FSTL4: variants seen among roughly 807,000 people sequenced by gnomAD.
FSTL4 encodes follistatin-related protein 4.
FSTL4 carries 28 observed loss-of-function variants against 78.2 expected under a neutral mutation model. That is an observed-to-expected ratio of 0.36 (90% CI 0.27 to 0.49). FSTL4 has a LOEUF of 0.49. FSTL4 is among the 20% of genes least tolerant of loss of function. The pLI, the probability that FSTL4 is intolerant of heterozygous loss-of-function variation, is 0.98. For missense variants in FSTL4, 922 were observed against 1,084.9 expected (o/e 0.85, Z 2.11); for synonymous variants, 422 against 440.5 (o/e 0.96, Z 0.53).
chr5:133,598,426 C>G (rs531169861), intron 2 of FSTL4, among the ~76,000 whole-genome samples: 105 of 131,006 alleles, frequency 8.0e-4, no homozygotes, highest in Middle Eastern at 3.7e-3. Flanking sequence ...CAGCACACCC[C>G]ATTCTGCAAT....
chr5:133,540,357 C>G (rs1252438376), intron 3 of FSTL4, among the ~76,000 whole-genome samples: 2 of 152,102 alleles, frequency 1.3e-5, no homozygotes, highest in African/African-American at 2.4e-5. Context: ...ACTCACAAAT[C>G]TCTTCAAGAT....
intron 6 of FSTL4, among the ~76,000 whole-genome samples, chr5:133,269,184 CAAAAA>C (rs869156118): frequency 6.8e-5 from 4 of 58,998 alleles, no homozygotes; most frequent in Non-Finnish European, 1.3e-4. Flanking sequence ...GACTCCATCT[CAAAAA>C]AAAAAAAAAA....
At chr5:133,366,090 A>G (rs548452363) in intron 4 of FSTL4, among the ~76,000 whole-genome samples, 5 of 151,588 alleles carry the variant, frequency 3.3e-5, no homozygotes, top group African/African-American at 1.2e-4. Context: ...ATCTCCTACC[A>G]CCCTCTCACT....
chr5:133,668,582 TGAGTGG>T, the FSTL4 span, among the ~76,000 whole-genome samples: 12 of 152,346 alleles, frequency 7.9e-5, no homozygotes, highest in African/African-American at 2.6e-4. Flanking sequence ...GCTGCAGGCC[TGAGTGG>T]CCAGCCTTGT....
the FSTL4 span, among the ~76,000 whole-genome samples, chr5:133,656,036 A>T: frequency 6.6e-6 from 1 of 152,168 alleles, no homozygotes; most frequent in Non-Finnish European, 1.5e-5. Context: ...TTCTCTTAAG[A>T]CATGATGTTT....
chr5:133,648,196 A>C, the FSTL4 span, among the ~76,000 whole-genome samples: 1 of 152,214 alleles, frequency 6.6e-6, no homozygotes, highest in Admixed American at 6.5e-5. Flanking sequence ...ATAAAGTACA[A>C]ACCAGTGAGT....
At chr5:133,254,609 C>T (rs561175331) in intron 6 of FSTL4, among the ~76,000 whole-genome samples, 3 of 152,298 alleles carry the variant, frequency 2.0e-5, no homozygotes, top group South Asian at 2.1e-4. Flanking sequence ...ACAACTGCAT[C>T]GGGAAGCCTG....
At chr5:133,360,860 A>G (rs1755053477) in intron 4 of FSTL4, among the ~76,000 whole-genome samples, 1 of 152,176 alleles carries the variant, frequency 6.6e-6, no homozygotes, top group East Asian at 1.9e-4. Context: ...ATGTTTCCCA[A>G]TTATCACCGT....
chr5:133,262,414 T>A (rs1752553630), intron 6 of FSTL4, among the ~76,000 whole-genome samples: 1 of 152,154 alleles, frequency 6.6e-6, no homozygotes, highest in Non-Finnish European at 1.5e-5. Flanking sequence ...TGTAATAGAG[T>A]GAAATGTTAA....
intron 4 of FSTL4, among the ~76,000 whole-genome samples, chr5:133,373,497 G>A (rs1303403124): frequency 6.6e-6 from 1 of 152,340 alleles, no homozygotes; most frequent in African/African-American, 2.4e-5. Flanking sequence ...GAGATCCACT[G>A]GATGCACATA....
the FSTL4 span, among the ~76,000 whole-genome samples, chr5:133,663,528 ACACGTGCCTCTT>A: frequency 6.6e-6 from 1 of 152,234 alleles, no homozygotes; most frequent in Non-Finnish European, 1.5e-5. Flanking sequence ...AGAAGTGCTA[ACACGTGCCTCTT>A]CACGTGCCTC....
intron 6 of FSTL4, among the ~76,000 whole-genome samples, chr5:133,270,465 T>C (rs570131797): frequency 1.3e-5 from 2 of 152,310 alleles, no homozygotes; most frequent in African/African-American, 4.8e-5. Context: ...CAGAATGTAT[T>C]AGCGCTCCGT....
At chr5:133,709,873 T>C in the FSTL4 span, among the ~76,000 whole-genome samples, 1 of 152,360 alleles carries the variant, frequency 6.6e-6, no homozygotes, top group Admixed American at 6.5e-5. Context: ...GGCTTGGAGA[T>C]GAAGGGGCTC....
chr5:133,731,862 C>T, the FSTL4 span, among the ~76,000 whole-genome samples: 2 of 152,124 alleles, frequency 1.3e-5, no homozygotes, highest in Non-Finnish European at 2.9e-5. Flanking sequence ...AAGAAATAAG[C>T]ATTTTCTAAT....
chr5:133,431,517 G>A (rs1322351325), intron 3 of FSTL4, among the ~76,000 whole-genome samples: 1 of 152,176 alleles, frequency 6.6e-6, no homozygotes, highest in Non-Finnish European at 1.5e-5. Flanking sequence ...AAGGGGTGGA[G>A]GAGTATAGCT....
At chr5:133,413,635 A>T (rs1333213226) in intron 3 of FSTL4, among the ~76,000 whole-genome samples, 1 of 152,046 alleles carries the variant, frequency 6.6e-6, no homozygotes, top group Non-Finnish European at 1.5e-5. Flanking sequence ...CTATTCCATT[A>T]TTTTTCTCCC....
At chr5:133,730,139 T>TG in the FSTL4 span, among the ~76,000 whole-genome samples, 1 of 152,202 alleles carries the variant, frequency 6.6e-6, no homozygotes, top group Non-Finnish European at 1.5e-5. Context: ...TTTTTGGACT[T>TG]GATTTCCCAT....
At chr5:133,800,102 G>T in the FSTL4 span, among the ~76,000 whole-genome samples, 3 of 139,244 alleles carry the variant, frequency 2.2e-5, no homozygotes, top group South Asian at 2.3e-4. Flanking sequence ...CATATGGGCT[G>T]CAGGAATTCA....
chr5:133,630,667 G>C, the FSTL4 span, among the ~76,000 whole-genome samples: 7,085 of 152,200 alleles, frequency 0.047, 500 homozygotes, highest in African/African-American at 0.16. Context: ...AACCAAAAAA[G>C]AGCCCGTATA....
Sources: gnomAD v4.1 joint callset for allele counts (sites outside exome capture counted in the v4.1 genomes callset) on GRCh38, gnomAD v4.1.1 for gene constraint, MANE v1.5 for transcripts, NCBI Gene and HGNC (gene_info 2026-07-23, HGNC 2026-07-21) for gene names.